SLC30A5: variants seen among roughly 807,000 people sequenced by gnomAD.
SLC30A5 encodes proton-coupled zinc antiporter SLC30A5.
In SLC30A5, 33 loss-of-function variants were observed where a neutral mutation model predicts 79.6. That is an observed-to-expected ratio of 0.41 (90% CI 0.31 to 0.55). The LOEUF (loss-of-function observed/expected upper bound fraction) is 0.55, where lower values mean the gene tolerates loss of function less well. Ranked by LOEUF, SLC30A5 falls within the 20% of genes least tolerant of loss-of-function variation. The pLI is 0.20. For synonymous variants in SLC30A5, 299 were observed against 319.7 expected, an observed-to-expected ratio of 0.94 and a Z score of 0.69; for missense variants, 788 against 928.1, an observed-to-expected ratio of 0.85 and a Z score of 1.96.
chr5:69,127,834 T>C (rs1013826967), intron 14 of SLC30A5, among the ~76,000 whole-genome samples, 170 bp from the exon 15 acceptor site: 1 of 152,180 alleles, frequency 6.6e-6, no homozygotes, highest in Non-Finnish European at 1.5e-5. Context: ...TTCCTGCTTC[T>C]GGCTTCTCAT....
intron 5 of SLC30A5, among the ~76,000 whole-genome samples, chr5:69,111,628 A>G (rs1413093728): frequency 1.3e-5 from 2 of 152,200 alleles, no homozygotes; most frequent in East Asian, 3.8e-4. Flanking sequence ...ATGAGACTGA[A>G]GCATTACAAA....
intron 4 of SLC30A5, among the ~76,000 whole-genome samples, chr5:69,107,626 C>T (rs1746116486): frequency 6.6e-6 from 1 of 152,060 alleles, no homozygotes; most frequent in African/African-American, 2.4e-5. Flanking sequence ...CACTAGGTGA[C>T]TGGAATTTCT....
In SLC30A5 at chr5:69,129,468, G is replaced by T; in HGVS notation, c.2149G>T (p.Ala717Ser). The change falls in exon 16 of 16, where the codon GCT becomes TCT. Residue 717 changes from alanine (A) to serine (S), a missense_variant. Around this residue, in one of 3 missense-constraint regions of SLC30A5, gnomAD observed 158 missense variants for 156.2 expected, o/e 1.01. Transcript: ENST00000396591. Reference protein sequence around the residue: ...VQQVTGILKDAGVNNLTIQVE... With the variant: ...VQQVTGILKDSGVNNLTIQVE... The stretch of plus-strand genomic sequence containing the variant: ...ACAGGTTACAGGAATACTTAAAGAT[G>T]CTGGAGTAAACAATTTAACAATTCA... 1 of 1,612,412 alleles carries T rather than the reference G, an allele frequency of 6.2e-7. No homozygotes were observed. The highest frequency in any genetic ancestry group is 8.5e-7 in the Non-Finnish European group (1 of 1,179,506).
chr5:69,108,302 A>T, intron 4 of SLC30A5, 47 bp from the exon 5 acceptor site: 1 of 1,453,256 alleles, frequency 6.9e-7, no homozygotes, highest in Non-Finnish European at 9.6e-7. Context: ...ATGCGTCTTG[A>T]TAAAGATAAA....
At chr5:69,124,481 A>T (rs931378800) in intron 14 of SLC30A5, among the ~76,000 whole-genome samples, 2 of 152,174 alleles carry the variant, frequency 1.3e-5, no homozygotes, top group African/African-American at 4.8e-5. Flanking sequence ...GGGAAAAAAA[A>T]GCTATATCTC....
chr5:69,118,070 G>C (rs565272301), intron 11 of SLC30A5, among the ~76,000 whole-genome samples: 371 of 150,092 alleles, frequency 2.5e-3, no homozygotes, highest in African/African-American at 8.8e-3. Flanking sequence ...CCAGCTACTC[G>C]GGAGGCTGAA....
In SLC30A5 at chr5:69,128,194, C is replaced by T. The variant is rs1746754678; in HGVS notation, c.2127+62C>T. On this transcript the variant is annotated intron_variant, in intron 15 of 15. Transcript: ENST00000396591. ...CATTCATACCCAAAATTGTACACCTCATAAGTTATATGGCTCAGTAGTCAT... is the reference window on the plus strand; with the variant it reads ...CATTCATACCCAAAATTGTACACCTTATAAGTTATATGGCTCAGTAGTCAT... 4.0e-6 allele frequency: 5 copies of T among 1,262,408 alleles called. No homozygotes were observed. The Admixed American group carries it at 8.2e-5, about 21-fold the overall frequency. 78.2% of individuals were successfully genotyped at this position (1,262,408 alleles called of 1,614,324 possible).
At chr5:69,103,896 C>G in intron 3 of SLC30A5, 1 of 1,238,970 alleles carries the variant, frequency 8.1e-7, no homozygotes, top group Non-Finnish European at 1.1e-6. Flanking sequence ...TTTCAGAGAC[C>G]AAGAACATTT....
intron 15 of SLC30A5, 96 bp downstream of exon 15, chr5:69,128,228 C>A: frequency 1.3e-4 from 85 of 649,656 alleles, no homozygotes; most frequent in Non-Finnish European, 1.9e-4. Context: ...ATTTACTATT[C>A]AGAAATATCA....
In SLC30A5 at chr5:69,115,315, G is replaced by A. The variant is rs537697071; in HGVS notation, c.691G>A (p.Val231Ile). 150 of 1,614,002 alleles carry A rather than the reference G, an allele frequency of 9.3e-5. No homozygotes were observed. The highest frequency in any genetic ancestry group is 1.1e-4 in the Non-Finnish European group (131 of 1,179,962). The change falls in exon 8 of 16, where the codon GTT (valine) becomes ATT (isoleucine). Residue 231 changes from valine to isoleucine, a missense_variant. Val to Ile is a conservative substitution (Grantham distance 29, BLOSUM62 3). Transcript: ENST00000396591. ...AGCTTCCAGAAAGCTCTCTGTCGAC[G>A]TTGGTGGAGCTAAACGTCTTCAAGC... is the stretch of plus-strand genomic sequence containing the variant. ...HTASRKLSVD[V>I]GGAKRLQALS...
chr5:69,110,201 A>G (rs2111963757), intron 5 of SLC30A5, among the ~76,000 whole-genome samples: 1 of 152,292 alleles, frequency 6.6e-6, no homozygotes, highest in African/African-American at 2.4e-5. Flanking sequence ...AATATCCTTC[A>G]AAACTTGCAA....
chr5:69,110,988 T>C (rs1313026255), intron 5 of SLC30A5, among the ~76,000 whole-genome samples: 1 of 151,904 alleles, frequency 6.6e-6, no homozygotes, highest in Non-Finnish European at 1.5e-5. Flanking sequence ...GACTTGATGA[T>C]TGTTTTTTCT....
chr5:69,129,685 C>A lies in SLC30A5; in HGVS notation c.*68C>A, dbSNP rs1037361212. The A allele has an allele frequency of 1.4e-6, 2 of 1,384,100 alleles. No individual in the cohort carries two copies. The highest frequency in any genetic ancestry group is 2.9e-5 in the African/African-American group (2 of 69,278). 85.7% of individuals were successfully genotyped at this position (1,384,100 alleles called of 1,614,324 possible). A position where few individuals can be genotyped will look rare whatever the true frequency, so the allele number is the denominator to read the frequency against. Reference sequence around the variant, plus strand: ...AAATGACTCAGTATTTGTAATATTGCCAGAAGGATAAAAATTACACATTAA... The same window carrying A: ...AAATGACTCAGTATTTGTAATATTGACAGAAGGATAAAAATTACACATTAA... On this transcript the variant is annotated 3_prime_UTR_variant, in exon 16 of 16. Coordinates refer to ENST00000396591, the MANE Select transcript of SLC30A5 (RefSeq NM_022902.5).
At chr5:69,120,777 GA>G (rs1746514030) in intron 12 of SLC30A5, among the ~76,000 whole-genome samples, 1 of 152,088 alleles carries the variant, frequency 6.6e-6, no homozygotes, top group African/African-American at 2.4e-5. Context: ...TACTACTTTT[GA>G]AAAGTAATTA....
At chr5:69,117,608 G>C (rs575056784) in intron 11 of SLC30A5, among the ~76,000 whole-genome samples, 195 of 152,352 alleles carry the variant, frequency 1.3e-3, no homozygotes, top group Middle Eastern at 6.8e-3. Flanking sequence ...CGAGCACAGT[G>C]GCTCACGCCT....
At chr5:69,096,270 C>T (rs1745727932) in intron 1 of SLC30A5, among the ~76,000 whole-genome samples, 1 of 152,180 alleles carries the variant, frequency 6.6e-6, no homozygotes, top group Non-Finnish European at 1.5e-5. Context: ...CAGGACGATA[C>T]ATTAACAATT....
intron 2 of SLC30A5, among the ~76,000 whole-genome samples, chr5:69,101,298 GAC>G (rs1745910724): frequency 1.3e-5 from 2 of 149,582 alleles, no homozygotes; most frequent in Non-Finnish European, 3.0e-5. Context: ...TCTTTTTTGA[GAC>G]ACAGTCTCAC....
intron 3 of SLC30A5, chr5:69,104,387 C>T: frequency 1.0e-6 from 1 of 1,002,872 alleles, no homozygotes. Context: ...GGTGATCTGC[C>T]TGCCTCGGCC....
Position 69,115,808 on chromosome 5 carries a change from A to G in SLC30A5, c.784-118A>G, listed in dbSNP as rs16898542. 1.5e-3 allele frequency: 1,240 copies of G among 854,034 alleles called. 13 individuals are homozygous for G. In the African/African-American group the frequency reaches 0.018, roughly 13 times the overall value. The allele number at this position is 854,034 out of a possible 1,614,324, so 52.9% of individuals were successfully genotyped here. ...TCTTATAGCTTTTATATGTTGGCAT[A>G]TTATGAATCATATTGAATCATGCGA... On this transcript the variant is annotated intron_variant, in intron 8 of 15. Coordinates refer to ENST00000396591, the MANE Select transcript of SLC30A5 (RefSeq NM_022902.5).
Sources: allele counts gnomAD v4.1 joint callset (sites outside exome capture counted in the v4.1 genomes callset), GRCh38; gene constraint gnomAD v4.1.1; regional missense constraint gnomAD v4.1.1; transcripts MANE v1.5; gene names NCBI Gene and HGNC (gene_info 2026-07-23, HGNC 2026-07-21).